Variants in CYP2C19 observed in about 807,000 individuals in gnomAD.
CYP2C19 encodes cytochrome P450 2C19.
Under a neutral mutation model 40.9 loss-of-function variants are expected in CYP2C19, and 59 were observed. That is an observed-to-expected ratio of 1.44 (90% CI 1.17 to 1.79). The LOEUF (loss-of-function observed/expected upper bound fraction) is 1.79, where lower values mean the gene tolerates loss of function less well. CYP2C19 is among the 40% of genes most tolerant of loss of function. The pLI is 0.00. For missense variants in CYP2C19, 754 were observed against 596.9 expected (o/e 1.26, Z -2.74); for synonymous variants, 253 against 208.7 (o/e 1.21, Z -1.83).
At position 94,812,816 on chromosome 10, in the gene CYP2C19, T is replaced by C. The variant is rs1026898317; in HGVS notation, c.820-7680T>C. ...TGCAATGGGTTAGAACATGCTCCTT[T>C]AGCTCAGTGGAGTTTGTTATTACAC... On this transcript the variant is annotated intron_variant, in intron 5 of 8. Transcript: ENST00000371321. Among the ~76,000 whole-genome samples the C allele has an allele frequency of 2.6e-5, 4 of 152,130 alleles. No homozygotes were observed. The East Asian group carries it at 7.8e-4, about 30-fold the overall frequency.
Position 94,802,432 on chromosome 10 carries a change from C to T in CYP2C19, c.820-18064C>T, listed in dbSNP as rs560629325. ...CCTGCTTTTTATTGCTTTCTATCTG[C>T]TTGGTAAATCTTCCTCCATCCCTTT... On this transcript the variant is annotated intron_variant, in intron 5 of 8. Transcript: ENST00000371321. 3.1e-3 allele frequency among the ~76,000 whole-genome samples: 471 copies of T among 152,150 alleles called. 3 individuals carry two copies. The highest frequency in any genetic ancestry group is 0.011 in the African/African-American group (448 of 41,504).
Position 94,797,245 on chromosome 10 carries a change from A to G in CYP2C19, c.819+15248A>G, listed in dbSNP as rs1300044512. Among the ~76,000 whole-genome samples, 5 of 152,044 alleles carry G rather than the reference A, an allele frequency of 3.3e-5. No homozygotes were observed. The South Asian group carries it at 8.3e-4, about 25-fold the overall frequency. ...GAAGGCCTTTTCTGTATCTATTGAG[A>G]TAATCATGTGGTTTTTGTCTTTGGT... On this transcript the variant is annotated intron_variant, in intron 5 of 8. Transcript: ENST00000371321.
intron 7 of CYP2C19, among the ~76,000 whole-genome samples, chr10:94,845,177 T>A (rs971218222): frequency 6.6e-6 from 1 of 152,184 alleles, no homozygotes; most frequent in Non-Finnish European, 1.5e-5. Flanking sequence ...GAGAGAGGAG[T>A]TGGCAAACTG....
At chr10:94,837,527 G>C (rs1183239365) in intron 6 of CYP2C19, among the ~76,000 whole-genome samples, 2 of 152,154 alleles carry the variant, frequency 1.3e-5, no homozygotes, top group East Asian at 3.9e-4. Context: ...CCTAACAGGG[G>C]AGTGGGGCTT....
chr10:94,828,534 T>C (rs1205428314), intron 6 of CYP2C19, among the ~76,000 whole-genome samples: 1 of 148,874 alleles, frequency 6.7e-6, no homozygotes, highest in East Asian at 2.0e-4. Context: ...TCCTCCATCC[T>C]TTTATTTTGA....
chr10:94,808,386 A>G (rs1848865366), intron 5 of CYP2C19, among the ~76,000 whole-genome samples: 1 of 152,160 alleles, frequency 6.6e-6, no homozygotes, highest in African/African-American at 2.4e-5. Context: ...CACATTATGG[A>G]AGATGGTTTA....
chr10:94,809,395 C>G (rs781256506), intron 5 of CYP2C19, among the ~76,000 whole-genome samples: 3 of 152,100 alleles, frequency 2.0e-5, no homozygotes, highest in African/African-American at 7.2e-5. Flanking sequence ...TATCTTTTCA[C>G]TTTATTGATT....
chr10:94,782,695 G>A (rs902355125), intron 5 of CYP2C19, among the ~76,000 whole-genome samples: 1 of 152,072 alleles, frequency 6.6e-6, no homozygotes, highest in Non-Finnish European at 1.5e-5. Context: ...CAATAGCCAA[G>A]ACTTGGAATC....
In CYP2C19 at chr10:94,853,388, G is replaced by A. The variant is rs1036659736; in HGVS notation, c.*474G>A. Reference sequence around the variant, plus strand: ...GAAAGGACAAAGGTGAAGATGGTAGGGAAGCTATTTTGGCTGAGCATTACC... The same window carrying A: ...GAAAGGACAAAGGTGAAGATGGTAGAGAAGCTATTTTGGCTGAGCATTACC... On this transcript the variant is annotated 3_prime_UTR_variant, in exon 9 of 9. Transcript: ENST00000371321. Among the ~76,000 whole-genome samples, 3 of 152,124 alleles carry A rather than the reference G, an allele frequency of 2.0e-5. No individual in the cohort carries two copies. The highest frequency in any genetic ancestry group is 1.9e-4 in the East Asian group (1 of 5,198).
At chr10:94,818,960 C>T (rs1383960543) in intron 5 of CYP2C19, among the ~76,000 whole-genome samples, 1 of 151,718 alleles carries the variant, frequency 6.6e-6, no homozygotes, top group Non-Finnish European at 1.5e-5. Context: ...CACACCACAC[C>T]TATTCCAAAA....
At chr10:94,799,052 A>G (rs928977124) in intron 5 of CYP2C19, among the ~76,000 whole-genome samples, 2 of 151,904 alleles carry the variant, frequency 1.3e-5, no homozygotes, top group South Asian at 2.1e-4. Context: ...ATTGTGAAGT[A>G]GCTTGTTATT....
chr10:94,801,031 G>A (rs1289823048), intron 5 of CYP2C19, among the ~76,000 whole-genome samples: 1 of 152,170 alleles, frequency 6.6e-6, no homozygotes. Context: ...TGCACCCATT[G>A]TCCAACCAGT....
chr10:94,852,812 C>T lies in CYP2C19; in HGVS notation c.1371C>T (p.Asn457=), dbSNP rs764143071. 2 of 1,613,922 alleles carry T rather than the reference C, an allele frequency of 1.2e-6. No homozygotes were observed. Among genetic ancestry groups the T allele is most frequent in the Non-Finnish European group, 8.5e-7 (1 of 1,179,978 alleles). ...LFLTFILQNF[N]LKSLIDPKDL... ...TGACCTTCATTTTACAGAACTTTAA[C>T]CTGAAATCTCTGATTGACCCAAAGG... The change falls in exon 9 of 9, where the codon AAC becomes AAT. Residue 457 remains asparagine, a synonymous_variant. Transcript: ENST00000371321.
intron 1 of CYP2C19, among the ~76,000 whole-genome samples, chr10:94,764,500 G>A (rs1429337520): frequency 6.6e-6 from 1 of 152,150 alleles, no homozygotes; most frequent in Non-Finnish European, 1.5e-5. Context: ...ACCTGACCCA[G>A]AAGCCCAGCC....
At chr10:94,836,117 C>T (rs1034336267) in intron 6 of CYP2C19, among the ~76,000 whole-genome samples, 1 of 152,254 alleles carries the variant, frequency 6.6e-6, no homozygotes, top group Non-Finnish European at 1.5e-5. Context: ...AGCACTGGCT[C>T]TTCAAGTAAT....
chr10:94,827,900 TC>T lies in CYP2C19; in HGVS notation c.961+7264del, dbSNP rs1849256953. On this transcript the variant is annotated intron_variant, in intron 6 of 8. Coordinates refer to ENST00000371321, the MANE Select transcript of CYP2C19 (RefSeq NM_000769.4). ...GTTGGTTTCAAAGAACATCTTTATT[TC>T]TGCCTTCATTTCGTTATGTACCCAG... Among the ~76,000 whole-genome samples, 3 of 152,174 alleles carry T rather than the reference TC, an allele frequency of 2.0e-5. No individual in the cohort carries two copies. In the South Asian group the frequency reaches 6.2e-4, roughly 32 times the overall value.
chr10:94,798,121 CA>C (rs757815480), intron 5 of CYP2C19, among the ~76,000 whole-genome samples: 3 of 151,870 alleles, frequency 2.0e-5, no homozygotes, highest in Non-Finnish European at 4.4e-5. Context: ...TTCTCTTGTG[CA>C]TATTTAGTGC....
intron 6 of CYP2C19, among the ~76,000 whole-genome samples, chr10:94,829,312 A>T (rs1183457031): frequency 1.3e-5 from 2 of 152,318 alleles, no homozygotes; most frequent in East Asian, 1.9e-4. Context: ...AATCCGAAGT[A>T]GATTTGGTCT....
At chr10:94,851,271 C>A (rs918795447) in intron 8 of CYP2C19, among the ~76,000 whole-genome samples, 3 of 151,840 alleles carry the variant, frequency 2.0e-5, no homozygotes, top group Non-Finnish European at 4.4e-5. Flanking sequence ...AAAGGCTACA[C>A]ACTTTTAAAC....
Sources: gnomAD v4.1 joint callset for allele counts (sites outside exome capture counted in the v4.1 genomes callset) on GRCh38, gnomAD v4.1.1 for gene constraint, MANE v1.5 for transcripts, NCBI Gene and HGNC (gene_info 2026-07-23, HGNC 2026-07-21) for gene names.